Variants in PSIP1 observed in about 807,000 individuals in gnomAD.
PSIP1 encodes the protein PC4 and SFRS1-interacting protein.
PSIP1 carries 19 observed loss-of-function variants against 74.7 expected under a neutral mutation model. The observed-to-expected ratio is 0.25, with a 90% CI of 0.18 to 0.37. The LOEUF (loss-of-function observed/expected upper bound fraction) is 0.37, where lower values mean the gene tolerates loss of function less well. Among genes scored for constraint, PSIP1 ranks in the 10% least tolerant of loss-of-function variants. The probability of loss-of-function intolerance (pLI) is 1.00; values close to 1 mark genes in which losing one functional copy is unlikely to be tolerated. For missense variants in PSIP1, 601 were observed against 614.3 expected, an observed-to-expected ratio of 0.98 and a Z score of 0.23; for synonymous variants, 222 against 195.3, an observed-to-expected ratio of 1.14 and a Z score of -1.14.
intron 2 of PSIP1, among the ~76,000 whole-genome samples, chr9:15,507,467 G>C (rs2037645432): frequency 6.6e-6 from 1 of 152,008 alleles, no homozygotes; most frequent in Non-Finnish European, 1.5e-5. Flanking sequence ...GACCAATATG[G>C]TGAAACCCGG....
intron 8 of PSIP1, 23 bp from the exon 9 acceptor site, chr9:15,474,260 G>A (rs780674417): frequency 2.6e-6 from 4 of 1,547,504 alleles, no homozygotes; most frequent in East Asian, 2.3e-5. Context: ...ACATAACAAT[G>A]TATACTTGTC....
chr9:15,473,876 A>T, intron 9 of PSIP1, 133 bp downstream of exon 9: 1 of 656,586 alleles, frequency 1.5e-6, no homozygotes, highest in Non-Finnish European at 2.3e-6. Flanking sequence ...ACTCCAGCCT[A>T]AGCAACACAG....
chr9:15,474,742 A>G (rs2036001482), intron 8 of PSIP1, among the ~76,000 whole-genome samples: 1 of 152,168 alleles, frequency 6.6e-6, no homozygotes, highest in Admixed American at 6.5e-5. Flanking sequence ...ACTGCTGCAT[A>G]TTTATGCAAG....
rs1431358909 is a variant in PSIP1, at chr9:15,464,321, A to AT, written c.*1198dup. ...CATACAGAGACGCTGGTCTTAAGCC[A>AT]TTTTTTTCCATATTCATATAATTTC... On this transcript the variant is annotated 3_prime_UTR_variant, in exon 16 of 16. Transcript: ENST00000380733. 5.2e-6 allele frequency: 1 copy of AT among 193,414 alleles called. No individual in the cohort carries two copies. The highest frequency in any genetic ancestry group is 8.2e-5 in the East Asian group (1 of 12,228). The allele number at this position is 193,414 out of a possible 1,614,324, so 12.0% of individuals were successfully genotyped here.
intron 11 of PSIP1, 91 bp from the exon 12 acceptor site, chr9:15,469,427 A>T (rs2035749163): frequency 5.8e-6 from 3 of 514,558 alleles, no homozygotes; most frequent in Non-Finnish European, 9.8e-6. Flanking sequence ...TAGTGGACTT[A>T]AAAAAAAAAT....
intron 10 of PSIP1, chr9:15,470,791 A>T (rs1414223181): frequency 3.0e-6 from 3 of 1,005,448 alleles, no homozygotes; most frequent in Non-Finnish European, 3.6e-6. Context: ...CCCCATTCTC[A>T]GGGATATAAC....
Sources: allele counts gnomAD v4.1 joint callset (sites outside exome capture counted in the v4.1 genomes callset), GRCh38; gene constraint gnomAD v4.1.1; transcripts MANE v1.5; gene names NCBI Gene and HGNC (gene_info 2026-07-23, HGNC 2026-07-21).